Variants in AHI1 observed in about 807,000 individuals in gnomAD.
The protein encoded by AHI1 is jouberin.
In AHI1, 123 loss-of-function variants were observed where a neutral mutation model predicts 149.3. That is an observed-to-expected ratio of 0.82 (90% CI 0.71 to 0.96). The LOEUF (loss-of-function observed/expected upper bound fraction) is 0.96. Ranked by LOEUF, AHI1 falls within the 40% of genes least tolerant of loss-of-function variation. The pLI is 0.00. For missense variants in AHI1, 1,439 were observed against 1,422.7 expected, an observed-to-expected ratio of 1.01 and a Z score of -0.18; for synonymous variants, 475 against 459.8, an observed-to-expected ratio of 1.03 and a Z score of -0.42.
At chr6:135,427,799 A>G (rs960444976) in intron 19 of AHI1, among the ~76,000 whole-genome samples, 17 of 151,502 alleles carry the variant, frequency 1.1e-4, no homozygotes. Context: ...CTATGGCCTA[A>G]AAGATGTCTA....
At chr6:135,295,485 C>A (rs895067734) in intron 27 of AHI1, among the ~76,000 whole-genome samples, 3 of 152,176 alleles carry the variant, frequency 2.0e-5, no homozygotes, top group African/African-American at 7.2e-5. Flanking sequence ...AAAAAAACCC[C>A]TATGTTCACA....
chr6:135,433,300 A>C, intron 15 of AHI1, 44 bp from the exon 16 acceptor site: 1 of 1,410,518 alleles, frequency 7.1e-7, no homozygotes, highest in Non-Finnish European at 9.8e-7. Flanking sequence ...GAAAAGCAGA[A>C]GTTTCTTTTA....
intron 23 of AHI1, among the ~76,000 whole-genome samples, chr6:135,361,691 ACACG>A (rs1380010409): frequency 7.3e-5 from 10 of 137,442 alleles, no homozygotes; most frequent in Admixed American, 1.5e-4. Flanking sequence ...ACACACACAC[ACACG>A]TGTGTATATT....
At chr6:135,388,009 G>C in intron 23 of AHI1, 1 of 1,613,744 alleles carries the variant, frequency 6.2e-7, no homozygotes, top group Non-Finnish European at 8.5e-7. Context: ...TAATATACAT[G>C]TGTTGAATTC....
At chr6:135,470,317 A>G (rs1230164324) in intron 5 of AHI1, among the ~76,000 whole-genome samples, 1 of 152,196 alleles carries the variant, frequency 6.6e-6, no homozygotes, top group African/African-American at 2.4e-5. Context: ...AAGAAACAAC[A>G]GATGCTGGTG....
chr6:135,291,839 C>T (rs1782392022), intron 27 of AHI1, among the ~76,000 whole-genome samples: 1 of 152,092 alleles, frequency 6.6e-6, no homozygotes, highest in Non-Finnish European at 1.5e-5. Flanking sequence ...GAAGTGTACC[C>T]TTTTGGCCTT....
rs201771478 is a variant in AHI1 at position 135,411,436 on chromosome 6, T to C, written c.2873A>G (p.Gln958Arg). 33 of 1,613,812 alleles carry C rather than the reference T, an allele frequency of 2.0e-5. No individual in the cohort carries two copies. In the African/African-American group the frequency reaches 3.7e-4, roughly 18 times the overall value. The stretch of plus-strand genomic sequence containing the variant: ...AAATTCATCAATCTGAAAAGAGCCT[T>C]GATGGGGTAGTTTTGGACAGGTACA... ...ALCTCPKLPH[Q>R]GSFQIDEFVH... Residue 958 changes from glutamine to arginine, a missense_variant, in exon 21 of 29, where the codon CAA (glutamine) becomes CGA (arginine). Physicochemically the swap from Gln to Arg is conservative, Grantham distance 43. Coordinates refer to ENST00000265602, the MANE Select transcript of AHI1 (RefSeq NM_001134831.2).
chr6:135,427,909 T>C (rs138145706), intron 19 of AHI1, among the ~76,000 whole-genome samples: 375 of 151,208 alleles, frequency 2.5e-3, no homozygotes, highest in Non-Finnish European at 4.3e-3. Flanking sequence ...ACTGAATTGA[T>C]GCTAAAGCAT....
At chr6:135,421,404 G>GT (rs1199959885) in intron 20 of AHI1, among the ~76,000 whole-genome samples, 1 of 152,060 alleles carries the variant, frequency 6.6e-6, no homozygotes, top group African/African-American at 2.4e-5. Flanking sequence ...AGGTATGCCT[G>GT]TATTTATGCT....
chr6:135,442,544 G>A (rs1354262688), intron 14 of AHI1, 38 bp downstream of exon 14: 1 of 1,564,340 alleles, frequency 6.4e-7, no homozygotes, highest in South Asian at 1.2e-5. Flanking sequence ...CCTCCACGTG[G>A]ACTACAATCA....
chr6:135,366,913 C>A (rs762437497), intron 23 of AHI1, among the ~76,000 whole-genome samples: 2 of 152,240 alleles, frequency 1.3e-5, no homozygotes, highest in Admixed American at 6.5e-5. Flanking sequence ...TAGGCATTTA[C>A]GGCTATGAAC....
At chr6:135,329,614 A>C (rs1788227027) in intron 24 of AHI1, among the ~76,000 whole-genome samples, 1 of 152,236 alleles carries the variant, frequency 6.6e-6, no homozygotes, top group Admixed American at 6.5e-5. Flanking sequence ...TGTTGTTTTC[A>C]TGCCAGCTAC....
chr6:135,364,778 G>A (rs1212202634), intron 23 of AHI1, among the ~76,000 whole-genome samples: 1 of 152,266 alleles, frequency 6.6e-6, no homozygotes, highest in South Asian at 2.1e-4. Flanking sequence ...TGCAATCGCA[G>A]GCACTCGGCA....
intron 14 of AHI1, among the ~76,000 whole-genome samples, chr6:135,441,714 C>T (rs980825660): frequency 3.3e-5 from 5 of 152,116 alleles, no homozygotes; most frequent in African/African-American, 9.7e-5. Context: ...AACTTAGGAG[C>T]ATTTCCTAAG....
At chr6:135,301,253 A>G in intron 26 of AHI1, 2 of 984,428 alleles carry the variant, frequency 2.0e-6, no homozygotes, top group South Asian at 4.7e-5. Context: ...CACGTTATGG[A>G]AAGGATTCGT....
chr6:135,397,473 T>C (rs951020794), intron 22 of AHI1, among the ~76,000 whole-genome samples: 5 of 151,932 alleles, frequency 3.3e-5, no homozygotes, highest in African/African-American at 9.7e-5. Flanking sequence ...TACCTCCATA[T>C]TGGAGAAAAC....
At chr6:135,300,929 T>A in intron 26 of AHI1, 1 of 996,300 alleles carries the variant, frequency 1.0e-6, no homozygotes, top group Non-Finnish European at 1.2e-6. Context: ...TTCCTTCATA[T>A]TCTTTATAGT....
At chr6:135,308,780 A>G (rs1423642699) in intron 26 of AHI1, among the ~76,000 whole-genome samples, 2 of 152,224 alleles carry the variant, frequency 1.3e-5, no homozygotes, top group Non-Finnish European at 2.9e-5. Flanking sequence ...ATTTAGGAAG[A>G]TATCGAGGAA....
intron 24 of AHI1, among the ~76,000 whole-genome samples, chr6:135,337,578 G>C (rs1789588007): frequency 6.6e-6 from 1 of 151,842 alleles, no homozygotes; most frequent in Non-Finnish European, 1.5e-5. Context: ...GGGCAACAAA[G>C]TGAGACCCCT....
Sources: allele counts gnomAD v4.1 joint callset (sites outside exome capture counted in the v4.1 genomes callset), GRCh38; gene constraint gnomAD v4.1.1; transcripts MANE v1.5; gene names NCBI Gene and HGNC (gene_info 2026-07-23, HGNC 2026-07-21).